RASA3: variants seen among roughly 807,000 people sequenced by gnomAD.
RASA3 encodes the protein ras GTPase-activating protein 3.
A neutral mutation model predicts 110.0 loss-of-function variants in RASA3; 73 were observed. That is an observed-to-expected ratio of 0.66 (90% CI 0.55 to 0.81). The LOEUF (loss-of-function observed/expected upper bound fraction) is 0.81. Among genes scored for constraint, RASA3 ranks in the 30% least tolerant of loss-of-function variants. The probability of loss-of-function intolerance (pLI) is 0.00; values close to 1 mark genes in which losing one functional copy is unlikely to be tolerated. For synonymous variants in RASA3, 500 were observed against 451.4 expected (o/e 1.11, Z -1.37); for missense variants, 976 against 1,113.2 (o/e 0.88, Z 1.75).
chr13:114,077,472 T>C, intron 1 of RASA3, among the ~76,000 whole-genome samples: 1 of 127,434 alleles, frequency 7.8e-6, no homozygotes, highest in Non-Finnish European at 1.6e-5. Flanking sequence ...CATCCCTTCC[T>C]CCCTCCCCAC....
At chr13:114,075,473 GC>G (rs2079654502) in intron 1 of RASA3, among the ~76,000 whole-genome samples, 9 of 84,920 alleles carry the variant, frequency 1.1e-4, no homozygotes, top group South Asian at 3.9e-4. Flanking sequence ...GCGTATCTCT[GC>G]GTGTGGAGGC....
rs1446800731 is a variant in RASA3 at position 114,096,662 on chromosome 13, A to G, written c.56-22825T>C. On this transcript the variant is annotated intron_variant, in intron 1 of 23. Coordinates refer to ENST00000334062, the MANE Select transcript of RASA3 (RefSeq NM_007368.4). The surrounding 1 kb of genome is among the most constrained non-coding windows in gnomAD (Gnocchi z 5.1). The stretch of plus-strand genomic sequence containing the variant: ...AACGCCTTCCCTTTCCATTCTCTAA[A>G]TACTGTAGCACCACACTGACTAGCG... Among the ~76,000 whole-genome samples the G allele has an allele frequency of 6.6e-6, 1 of 152,012 alleles. No individual in the cohort carries two copies. Among genetic ancestry groups the G allele is most frequent in the Non-Finnish European group, 1.5e-5 (1 of 68,004 alleles).
chr13:114,090,038 T>C (rs2079871763), intron 1 of RASA3, among the ~76,000 whole-genome samples: 2 of 152,234 alleles, frequency 1.3e-5, no homozygotes, highest in Admixed American at 1.3e-4. Context: ...TTCTGTGTAT[T>C]TGTTAATCAC....
chr13:114,030,892 T>C (rs1461138673), intron 4 of RASA3, among the ~76,000 whole-genome samples: 1 of 151,846 alleles, frequency 6.6e-6, no homozygotes, highest in East Asian at 1.9e-4. Context: ...TGCGTGCAAC[T>C]GTGTGTGTCT....
At chr13:114,030,928 C>T (rs577355159) in intron 4 of RASA3, among the ~76,000 whole-genome samples, 14 of 138,800 alleles carry the variant, frequency 1.0e-4, no homozygotes, top group East Asian at 6.8e-4. Context: ...TGCATGCATG[C>T]GACTATGTGT....
intron 1 of RASA3, among the ~76,000 whole-genome samples, chr13:114,080,469 A>G (rs1335343337): frequency 2.0e-5 from 3 of 152,098 alleles, no homozygotes; most frequent in Non-Finnish European, 4.4e-5. Context: ...TCCAGTCTCC[A>G]CGGCTCTTCA....
chr13:113,980,030 GTGTGTGCACCTCTGTGTGCCTCC>G (rs1274388434), intron 23 of RASA3, among the ~76,000 whole-genome samples: 17 of 127,652 alleles, frequency 1.3e-4, no homozygotes, highest in African/African-American at 4.2e-4. Context: ...GTGTGCACCT[GTGTGTGCACCTCTGTGTGCCTCC>G]TGTGTGCACC....
intron 21 of RASA3, among the ~76,000 whole-genome samples, chr13:113,996,063 G>C (rs185254928): frequency 7.6e-6 from 1 of 131,526 alleles, no homozygotes; most frequent in Non-Finnish European, 1.7e-5. Flanking sequence ...GGGCCCGGCT[G>C]ATGGGGGGCC....
chr13:114,009,387 G>A lies in RASA3; in HGVS notation c.1668C>T (p.Asn556=), dbSNP rs765321957. The change falls in exon 17 of 24, where the codon AAC becomes AAT. Residue 556 remains asparagine, a splice_region_variant and synonymous_variant. Transcript: ENST00000334062. ...GGTCGGAGGGTGAGTCGATACTTAC[G>A]TTCTTCACCGCATCAGCATATTTCT... ...NEQKYADAVK[N]FLDLISSSGR... is the part of the protein sequence containing the mutation. 2.4e-5 allele frequency: 39 copies of A among 1,610,214 alleles called. No homozygotes were observed. Among genetic ancestry groups the A allele is most frequent in the East Asian group, 1.6e-4 (7 of 44,880 alleles).
At chr13:114,126,406 TC>T (rs2080450058) in intron 1 of RASA3, among the ~76,000 whole-genome samples, 1 of 152,146 alleles carries the variant, frequency 6.6e-6, no homozygotes, top group Non-Finnish European at 1.5e-5. Context: ...CCCAAATGAT[TC>T]CTTCCCTTCC....
intron 4 of RASA3, among the ~76,000 whole-genome samples, chr13:114,036,526 G>T (rs980211036): frequency 6.6e-5 from 10 of 152,036 alleles, no homozygotes; most frequent in South Asian, 2.1e-4. Context: ...GAGTTGTGGG[G>T]TTTTTTTTCT....
chr13:114,107,345 C>T (rs551724894), intron 1 of RASA3, among the ~76,000 whole-genome samples: 5 of 152,160 alleles, frequency 3.3e-5, no homozygotes, highest in Middle Eastern at 3.4e-3. Context: ...TGTCCTGACC[C>T]TCGCGGGGGA....
intron 1 of RASA3, among the ~76,000 whole-genome samples, chr13:114,103,060 C>T (rs773146251): frequency 8.5e-5 from 13 of 152,280 alleles, no homozygotes; most frequent in Admixed American, 5.9e-4. Flanking sequence ...CCGGTGCAGC[C>T]GGCCCCAGGG....
chr13:114,017,049 A>G (rs2139295578), intron 12 of RASA3, among the ~76,000 whole-genome samples, 188 bp downstream of exon 12: 1 of 152,288 alleles, frequency 6.6e-6, no homozygotes, highest in East Asian at 1.9e-4. Context: ...GAGAATTTGG[A>G]AGGTTCTGGA....
At chr13:114,026,154 A>G (rs2054021628) in intron 7 of RASA3, among the ~76,000 whole-genome samples, 1 of 152,256 alleles carries the variant, frequency 6.6e-6, no homozygotes, top group African/African-American at 2.4e-5. Context: ...CAGTAGAAAC[A>G]GCATGAGAAC....
At chr13:114,012,358 TCC>T (rs1310113432) in intron 15 of RASA3, among the ~76,000 whole-genome samples, 1 of 130,266 alleles carries the variant, frequency 7.7e-6, no homozygotes, top group African/African-American at 3.0e-5. Flanking sequence ...CCACACGCAC[TCC>T]CCATTCCACA....
At chr13:114,077,109 C>T (rs922271887) in intron 1 of RASA3, among the ~76,000 whole-genome samples, 4 of 152,164 alleles carry the variant, frequency 2.6e-5, no homozygotes, top group Non-Finnish European at 5.9e-5. Context: ...GTGGATAATA[C>T]GGAACTGAGA....
intron 15 of RASA3, among the ~76,000 whole-genome samples, chr13:114,012,564 T>C (rs2053658723): frequency 9.3e-6 from 1 of 108,058 alleles, no homozygotes; most frequent in African/African-American, 3.7e-5. Flanking sequence ...TCCCCATGCA[T>C]TCCACACACA....
intron 2 of RASA3, among the ~76,000 whole-genome samples, chr13:114,060,039 C>T (rs1054945935): frequency 2.0e-5 from 3 of 152,224 alleles, no homozygotes; most frequent in Admixed American, 6.5e-5. Context: ...GTGAGGAGAC[C>T]CGCAGGAGGA....
Sources: allele counts gnomAD v4.1 joint callset (sites outside exome capture counted in the v4.1 genomes callset), GRCh38; gene constraint gnomAD v4.1.1; non-coding constraint Gnocchi (gnomAD v3.1); transcripts MANE v1.5; gene names NCBI Gene and HGNC (gene_info 2026-07-23, HGNC 2026-07-21).